Variants in SLC68A1 observed in about 807,000 individuals in gnomAD.
SLC68A1 encodes the protein major facilitator superfamily domain containing 13A.
At chr10:102,471,244 G>A in the SLC68A1 span, 1 of 1,609,356 alleles carries the variant, frequency 6.2e-7, no homozygotes, top group East Asian at 2.2e-5. Context: ...CCAGCCCCAG[G>A]CAGTTCTCCA....
the SLC68A1 span, among the ~76,000 whole-genome samples, chr10:102,464,404 T>C: frequency 6.7e-6 from 1 of 149,784 alleles, no homozygotes; most frequent in Admixed American, 6.7e-5. Context: ...TGAGCCAAGA[T>C]CCCACCACTG....
chr10:102,467,937 G>A, the SLC68A1 span, among the ~76,000 whole-genome samples: 9 of 152,214 alleles, frequency 5.9e-5, no homozygotes, highest in East Asian at 7.7e-4. Flanking sequence ...TATTACAGGC[G>A]TGAGCCACGG....
At chr10:102,475,656 T>G in the SLC68A1 span, 3 of 1,521,024 alleles carry the variant, frequency 2.0e-6, no homozygotes, top group Non-Finnish European at 2.7e-6. Flanking sequence ...CACCATAGAC[T>G]TGGAGGGCAC....
the SLC68A1 span, among the ~76,000 whole-genome samples, chr10:102,474,453 G>A: frequency 6.6e-6 from 1 of 152,094 alleles, no homozygotes; most frequent in Non-Finnish European, 1.5e-5. Context: ...CTCCGAGAAG[G>A]TGCCCCTCAG....
chr10:102,464,789 CAAA>C, the SLC68A1 span, among the ~76,000 whole-genome samples: 10 of 120,660 alleles, frequency 8.3e-5, no homozygotes, highest in African/African-American at 1.9e-4. Flanking sequence ...GACTCTGTCT[CAAA>C]AAAAAAAAAA....
At chr10:102,468,936 C>A in the SLC68A1 span, 6 of 1,100,502 alleles carry the variant, frequency 5.5e-6, no homozygotes, top group Non-Finnish European at 7.8e-6. Flanking sequence ...CTGTTGCTCA[C>A]TGGTTCCTTC....
chr10:102,476,843 T>C, the SLC68A1 span: 25 of 985,476 alleles, frequency 2.5e-5, no homozygotes, highest in Admixed American at 1.4e-3. Context: ...CTGCTCCCTT[T>C]TGCCCAGTCA....
chr10:102,472,096 G>C, the SLC68A1 span: 1 of 451,618 alleles, frequency 2.2e-6, no homozygotes, highest in South Asian at 1.6e-5. Flanking sequence ...CCAGGAGTTC[G>C]AGGCTGCAAT....
chr10:102,475,164 C>T, the SLC68A1 span, among the ~76,000 whole-genome samples: 9 of 151,982 alleles, frequency 5.9e-5, no homozygotes, highest in Admixed American at 5.2e-4. Context: ...GGTGTGGTGG[C>T]GCATGCCTGT....
chr10:102,467,652 T>C, the SLC68A1 span, among the ~76,000 whole-genome samples: 2 of 122,614 alleles, frequency 1.6e-5, no homozygotes. Context: ...AGGCTTACAG[T>C]GCTTCTTCTT....
At chr10:102,468,923 T>C in the SLC68A1 span, 8 of 892,150 alleles carry the variant, frequency 9.0e-6, no homozygotes, top group South Asian at 1.6e-5. Flanking sequence ...CTGGCTCTGA[T>C]CCCTGTTGCT....
At chr10:102,472,976 T>A in the SLC68A1 span, 2 of 1,553,388 alleles carry the variant, frequency 1.3e-6, no homozygotes, top group East Asian at 4.5e-5. Flanking sequence ...GGGTGCTTCA[T>A]GCAAGCTGGA....
the SLC68A1 span, chr10:102,468,956 G>A: frequency 7.4e-7 from 1 of 1,351,210 alleles, no homozygotes; most frequent in Non-Finnish European, 1.0e-6. Context: ...CTTCCCCAGG[G>A]ACGAGGATGG....
At chr10:102,475,080 T>G in the SLC68A1 span, among the ~76,000 whole-genome samples, 5 of 151,778 alleles carry the variant, frequency 3.3e-5, no homozygotes, top group East Asian at 9.8e-4. Context: ...TCACCTGAGG[T>G]CAGGAGTTTG....
chr10:102,476,425 G>A, the SLC68A1 span: 1,699 of 791,242 alleles, frequency 2.1e-3, 5 homozygotes, highest in Non-Finnish European at 2.4e-3. Context: ...GGCTGGTCTC[G>A]AACTCCTGAC....
At chr10:102,472,345 C>G in the SLC68A1 span, 1 of 261,876 alleles carries the variant, frequency 3.8e-6, no homozygotes, top group African/African-American at 2.3e-5. Context: ...TCACTGCAAC[C>G]TCTGCCTCCT....
chr10:102,469,960 G>A, the SLC68A1 span: 1 of 1,609,052 alleles, frequency 6.2e-7, no homozygotes, highest in East Asian at 2.2e-5. Context: ...ATGCTGTCTA[G>A]AGCCCACCTT....
chr10:102,462,478 C>T, the SLC68A1 span, among the ~76,000 whole-genome samples: 1 of 152,186 alleles, frequency 6.6e-6, no homozygotes, highest in Non-Finnish European at 1.5e-5. Flanking sequence ...TGATACCTCT[C>T]ACTCCAGGGG....
chr10:102,470,784 G>T, the SLC68A1 span: 1 of 1,613,956 alleles, frequency 6.2e-7, no homozygotes, highest in Admixed American at 1.7e-5. Context: ...GCCCCAGCTG[G>T]CCTGCAGTTC....
Sources: allele counts gnomAD v4.1 joint callset (sites outside exome capture counted in the v4.1 genomes callset), GRCh38; gene constraint gnomAD v4.1.1; transcripts MANE v1.5; gene names NCBI Gene and HGNC (gene_info 2026-07-23, HGNC 2026-07-21).